The following GPCPD1 variants were observed in gnomAD, a reference collection of about 807,000 sequenced individuals.
The protein encoded by GPCPD1 is glycerophosphocholine phosphodiesterase 1.
GPCPD1 carries 29 observed loss-of-function variants against 89.2 expected under a neutral mutation model. That is an observed-to-expected ratio of 0.33 (90% CI 0.24 to 0.44). The LOEUF (loss-of-function observed/expected upper bound fraction) is 0.44. Ranked by LOEUF, GPCPD1 falls within the 20% of genes least tolerant of loss-of-function variation. The pLI, the probability that GPCPD1 is intolerant of heterozygous loss-of-function variation, is 1.00. For synonymous variants in GPCPD1, 258 were observed against 266.3 expected (o/e 0.97, Z 0.30); for missense variants, 594 against 808.9 (o/e 0.73, Z 3.22).
At chr20:5,565,226 C>T (rs1418428349) in intron 14 of GPCPD1, 148 bp from the exon 15 acceptor site, 1 of 571,152 alleles carries the variant, frequency 1.8e-6, no homozygotes, top group Non-Finnish European at 3.1e-6. Flanking sequence ...CTCTGAGATC[C>T]CTTTTTTTTT....
intron 4 of GPCPD1, among the ~76,000 whole-genome samples, chr20:5,591,471 G>A (rs1244356805): frequency 1.3e-5 from 2 of 152,152 alleles, no homozygotes; most frequent in Non-Finnish European, 2.9e-5. Context: ...TTTAGCTTTG[G>A]TTCCAAAACT....
intron 13 of GPCPD1, among the ~76,000 whole-genome samples, chr20:5,567,124 C>T (rs769151146): frequency 2.0e-5 from 3 of 152,174 alleles, no homozygotes; most frequent in Non-Finnish European, 4.4e-5. Flanking sequence ...TATTTACCAA[C>T]TATTGCATAA....
intron 1 of GPCPD1, 47 bp from the exon 2 acceptor site, chr20:5,604,487 T>C (rs1600810769): frequency 1.2e-6 from 1 of 825,676 alleles, no homozygotes; most frequent in East Asian, 2.6e-5. Flanking sequence ...ATATATGCCT[T>C]AGCTAGCCAC....
intron 8 of GPCPD1, among the ~76,000 whole-genome samples, chr20:5,578,050 C>T (rs1401066266): frequency 6.6e-6 from 1 of 152,230 alleles, no homozygotes; most frequent in African/African-American, 2.4e-5. Flanking sequence ...CATCGGGATG[C>T]CCGCCAAGAG....
At chr20:5,610,333 T>TATACA (rs1980880279) in intron 1 of GPCPD1, among the ~76,000 whole-genome samples, 1 of 152,132 alleles carries the variant, frequency 6.6e-6, no homozygotes, top group Non-Finnish European at 1.5e-5. Flanking sequence ...ATAACTGAAT[T>TATACA]ATACAAGCAT....
At chr20:5,549,786 A>G (rs1489567364) in intron 19 of GPCPD1, among the ~76,000 whole-genome samples, 1 of 150,808 alleles carries the variant, frequency 6.6e-6, no homozygotes, top group African/African-American at 2.4e-5. Context: ...TAATGACTTC[A>G]GGGAAATAGC....
chr20:5,595,306 T>C (rs1231132864), intron 3 of GPCPD1, among the ~76,000 whole-genome samples: 1 of 151,838 alleles, frequency 6.6e-6, no homozygotes. Flanking sequence ...TAATAAAAAA[T>C]AAATAAATAA....
At chr20:5,562,109 C>G (rs1415000058) in intron 15 of GPCPD1, among the ~76,000 whole-genome samples, 1 of 152,130 alleles carries the variant, frequency 6.6e-6, no homozygotes, top group Admixed American at 6.5e-5. Flanking sequence ...ACTAAATTAT[C>G]TAGACACTTT....
chr20:5,560,500 G>A (rs1476241977), intron 16 of GPCPD1, among the ~76,000 whole-genome samples: 1 of 151,944 alleles, frequency 6.6e-6, no homozygotes, highest in Non-Finnish European at 1.5e-5. Context: ...CATTCTTTGG[G>A]TCTTGGGCAT....
At chr20:5,580,681 G>T (rs1037735569) in intron 6 of GPCPD1, among the ~76,000 whole-genome samples, 1 of 146,402 alleles carries the variant, frequency 6.8e-6, no homozygotes, top group Non-Finnish European at 1.5e-5. Flanking sequence ...AGCCGAGATC[G>T]CACCACTGCA....
At chr20:5,591,279 C>A (rs1979309358) in intron 4 of GPCPD1, among the ~76,000 whole-genome samples, 1 of 152,128 alleles carries the variant, frequency 6.6e-6, no homozygotes, top group South Asian at 2.1e-4. Context: ...CAGGACTCTT[C>A]TAAACTAAAA....
chr20:5,604,597 A>G (rs1980416080), intron 1 of GPCPD1, among the ~76,000 whole-genome samples, 157 bp from the exon 2 acceptor site: 1 of 95,876 alleles, frequency 1.0e-5, no homozygotes, highest in Non-Finnish European at 1.9e-5. Flanking sequence ...TTTTGTTTTA[A>G]AGTAACTTTA....
intron 6 of GPCPD1, 22 bp from the exon 7 acceptor site, chr20:5,580,153 A>G: frequency 7.6e-7 from 1 of 1,318,660 alleles, no homozygotes; most frequent in Non-Finnish European, 1.1e-6. Flanking sequence ...AATATGAAGA[A>G]CAGTAATTAT....
At chr20:5,581,503 TA>T (rs1978481407) in intron 6 of GPCPD1, among the ~76,000 whole-genome samples, 1 of 152,142 alleles carries the variant, frequency 6.6e-6, no homozygotes, top group South Asian at 2.1e-4. Flanking sequence ...TGCAACTAGT[TA>T]TGCCACTAGT....
intron 6 of GPCPD1, among the ~76,000 whole-genome samples, chr20:5,581,747 C>T (rs535720505): frequency 6.7e-6 from 1 of 148,484 alleles, no homozygotes; most frequent in East Asian, 2.0e-4. Context: ...TAAATAAATA[C>T]CAAGAAACTT....
At chr20:5,589,468 C>A (rs987103510) in intron 4 of GPCPD1, among the ~76,000 whole-genome samples, 5 of 151,992 alleles carry the variant, frequency 3.3e-5, no homozygotes, top group African/African-American at 1.2e-4. Context: ...AAAAATTAGC[C>A]GGGCATAGTG....
intron 4 of GPCPD1, 82 bp downstream of exon 4, chr20:5,593,245 T>G (rs1979457134): frequency 1.4e-6 from 1 of 737,084 alleles, no homozygotes; most frequent in East Asian, 2.5e-5. Context: ...AAATGCATTT[T>G]ACTTTGAACG....
At chr20:5,578,296 G>C (rs1302641683) in intron 8 of GPCPD1, 84 bp downstream of exon 8, 11 of 866,150 alleles carry the variant, frequency 1.3e-5, no homozygotes, top group Non-Finnish European at 2.1e-5. Context: ...ACACAAATTA[G>C]ATTAAAATGA....
chr20:5,569,507 C>T lies in GPCPD1; in HGVS notation c.1149+640G>A, dbSNP rs138319104. On this transcript the variant is annotated intron_variant, in intron 12 of 19. Transcript: ENST00000379019. ...TTAAATCTCATTCTGGATCCCCCCCCGCCATTATGCCCTCTTCTCCATTCT... is the reference window on the plus strand; with the variant it reads ...TTAAATCTCATTCTGGATCCCCCCCTGCCATTATGCCCTCTTCTCCATTCT... Among the ~76,000 whole-genome samples, 1,192 of 151,926 alleles carry T rather than the reference C, an allele frequency of 7.8e-3. 14 individuals are homozygous for T. The highest frequency in any genetic ancestry group is 0.027 in the African/African-American group (1,103 of 41,442).
Sources: gnomAD v4.1 joint callset for allele counts (sites outside exome capture counted in the v4.1 genomes callset) on GRCh38, gnomAD v4.1.1 for gene constraint, MANE v1.5 for transcripts, NCBI Gene and HGNC (gene_info 2026-07-23, HGNC 2026-07-21) for gene names.